Variants in LACTBL1 observed in about 807,000 individuals in gnomAD.
LACTBL1 encodes beta-lactamase-like protein 1.
LACTBL1 carries 29 observed loss-of-function variants against 39.6 expected under a neutral mutation model. The observed-to-expected ratio is 0.73, with a 90% CI of 0.55 to 1.00. The LOEUF (loss-of-function observed/expected upper bound fraction) is 1.00. Ranked by LOEUF, LACTBL1 falls within the 50% of genes least tolerant of loss-of-function variation. The probability of loss-of-function intolerance (pLI) is 0.00; values close to 1 mark genes in which losing one functional copy is unlikely to be tolerated. For synonymous variants in LACTBL1, 361 were observed against 360.7 expected (o/e 1.00, Z -0.01); for missense variants, 711 against 748.5 (o/e 0.95, Z 0.59).
chr1:22,965,577 C>T (rs1011034567), upstream of LACTBL1, among the ~76,000 whole-genome samples: 1 of 152,120 alleles, frequency 6.6e-6, no homozygotes, highest in Admixed American at 6.5e-5. Flanking sequence ...GAAACCAATG[C>T]CCTTCCCAGT....
chr1:22,956,965 A>G (rs1176265857), intron 4 of LACTBL1, among the ~76,000 whole-genome samples: 1 of 152,036 alleles, frequency 6.6e-6, no homozygotes, highest in Non-Finnish European at 1.5e-5. Flanking sequence ...TAATGTTTCA[A>G]TCTCTTTAGC....
chr1:22,958,829 G>T (rs981621508), exon 4 of LACTBL1: 1 of 1,550,514 alleles, frequency 6.4e-7, no homozygotes, highest in Non-Finnish European at 8.7e-7. Context: ...CTGGCATACC[G>T]CTCCAGAGGG....
At chr1:22,964,341 G>T (rs544317662) in intron 1 of LACTBL1, among the ~76,000 whole-genome samples, 17 of 152,128 alleles carry the variant, frequency 1.1e-4, no homozygotes, top group African/African-American at 3.9e-4. Context: ...ACCTTTCTAG[G>T]CTAAACCTTA....
exon 6 of LACTBL1, chr1:22,954,002 A>G (rs1205195167): frequency 6.5e-7 from 1 of 1,540,988 alleles, no homozygotes; most frequent in East Asian, 2.5e-5. Flanking sequence ...AGGAGCGAGA[A>G]GGCCAGCGTG....
At chr1:22,955,451 T>C (rs1212911606) in intron 4 of LACTBL1, 25 bp from the exon 7 acceptor site, 1 of 1,508,754 alleles carries the variant, frequency 6.6e-7, no homozygotes. Flanking sequence ...TGGTCAGACT[T>C]ACCGGGCCCG....
At chr1:22,971,147 C>T in the LACTBL1 span, among the ~76,000 whole-genome samples, 1 of 152,152 alleles carries the variant, frequency 6.6e-6, no homozygotes. Context: ...AATTCAGAGG[C>T]ATTAATTGAC....
the LACTBL1 span, among the ~76,000 whole-genome samples, chr1:22,970,949 T>A: frequency 1.3e-5 from 2 of 152,002 alleles, no homozygotes; most frequent in African/African-American, 4.8e-5. Flanking sequence ...TAACCCCAGA[T>A]ACAAAGGAGT....
At chr1:22,963,028 C>T (rs1640841330) in intron 2 of LACTBL1, 79 bp downstream of exon 4, 2 of 644,502 alleles carry the variant, frequency 3.1e-6, no homozygotes, top group Admixed American at 8.7e-5. Context: ...AATGCCACTG[C>T]CAGCACAGAG....
exon 3 of LACTBL1, chr1:22,959,963 G>A: frequency 1.3e-6 from 2 of 1,551,128 alleles, no homozygotes; most frequent in Non-Finnish European, 1.7e-6. Context: ...GTACTCATTG[G>A]GGGCCCCAGA....
chr1:22,967,332 G>A (rs1193843800), upstream of LACTBL1, among the ~76,000 whole-genome samples: 2 of 152,034 alleles, frequency 1.3e-5, no homozygotes, highest in South Asian at 2.1e-4. Context: ...TCACACCACT[G>A]CACTCCAGCC....
At chr1:22,970,809 CAAAA>C in the LACTBL1 span, among the ~76,000 whole-genome samples, 1 of 80,192 alleles carries the variant, frequency 1.2e-5, no homozygotes. Context: ...GACCCTGTCT[CAAAA>C]AAAAAAAAAA....
At position 22,958,217 on chromosome 1, in the gene LACTBL1, C is replaced by T. The variant is rs191209370; in HGVS notation, c.553+468G>A. ...CCTCCCACCTCAGCCTCCCGAGTAG[C>T]TAAGACTACAAGTGTGTACCACCAT... On this transcript the variant is annotated intron_variant, in intron 4 of 5. Transcript: ENST00000426928. Among the ~76,000 whole-genome samples the T allele has an allele frequency of 2.0e-5, 3 of 152,238 alleles. No individual in the cohort carries two copies. The East Asian group carries it at 5.8e-4, about 29-fold the overall frequency.
At chr1:22,971,096 G>A in the LACTBL1 span, among the ~76,000 whole-genome samples, 1 of 152,182 alleles carries the variant, frequency 6.6e-6, no homozygotes, top group Non-Finnish European at 1.5e-5. Context: ...CACCTAAGGT[G>A]TAACCAGCAG....
upstream of LACTBL1, among the ~76,000 whole-genome samples, chr1:22,967,050 A>C (rs1236564778): frequency 3.3e-5 from 5 of 152,232 alleles, no homozygotes; most frequent in African/African-American, 4.8e-5. Flanking sequence ...CCTGGGCAAC[A>C]TAGTAAGACC....
chr1:22,968,476 A>C (rs1314873586), upstream of LACTBL1, among the ~76,000 whole-genome samples: 1 of 152,148 alleles, frequency 6.6e-6, no homozygotes, highest in Non-Finnish European at 1.5e-5. Context: ...AATAATGTTG[A>C]ATACCTTTTC....
At chr1:22,970,882 T>TA in the LACTBL1 span, among the ~76,000 whole-genome samples, 1 of 151,440 alleles carries the variant, frequency 6.6e-6, no homozygotes. Flanking sequence ...TCAATTGTTA[T>TA]AAAATAAAGC....
intron 4 of LACTBL1, among the ~76,000 whole-genome samples, chr1:22,958,439 T>A (rs770643877): frequency 6.6e-6 from 1 of 152,246 alleles, no homozygotes; most frequent in Non-Finnish European, 1.5e-5. Flanking sequence ...TGACCTGCAC[T>A]GATGGGTAAG....
chr1:22,953,991 C>T (rs1640738168), exon 6 of LACTBL1: 25 of 1,544,580 alleles, frequency 1.6e-5, no homozygotes, highest in Non-Finnish European at 2.2e-5. Context: ...GGACGTGGGC[C>T]AGGAGCGAGA....
At chr1:22,960,694 T>C (rs1422183064) in intron 2 of LACTBL1, among the ~76,000 whole-genome samples, 1 of 146,024 alleles carries the variant, frequency 6.8e-6, no homozygotes, top group African/African-American at 2.6e-5. Context: ...AAACCTCCAA[T>C]AGGCCTAGCC....
Sources: allele counts gnomAD v4.1 joint callset (sites outside exome capture counted in the v4.1 genomes callset), GRCh38; gene constraint gnomAD v4.1.1; transcripts MANE v1.5; gene names NCBI Gene and HGNC (gene_info 2026-07-23, HGNC 2026-07-21).